The following EDN1 variants were observed in gnomAD, a reference collection of about 807,000 sequenced individuals.
EDN1 encodes endothelin 1.
In EDN1, 11 loss-of-function variants were observed where a neutral mutation model predicts 21.7. That is an observed-to-expected ratio of 0.51 (90% confidence interval 0.32 to 0.84). EDN1 has a LOEUF of 0.84. Ranked by LOEUF, EDN1 falls within the 40% of genes least tolerant of loss-of-function variation. The pLI is 0.03. For missense variants in EDN1, 244 were observed against 262.3 expected (o/e 0.93, Z 0.48); for synonymous variants, 85 against 90.6 (o/e 0.94, Z 0.35).
the EDN1 span, among the ~76,000 whole-genome samples, chr6:12,239,421 T>A: frequency 6.6e-6 from 1 of 152,182 alleles, no homozygotes; most frequent in South Asian, 2.1e-4. Context: ...TTCCAGCAGA[T>A]ACGGCCAAGT....
At chr6:12,249,194 T>C in the EDN1 span, among the ~76,000 whole-genome samples, 2 of 152,300 alleles carry the variant, frequency 1.3e-5, no homozygotes, top group Admixed American at 1.3e-4. Context: ...CCATGAACTG[T>C]ACTTGGAGTA....
At chr6:12,242,074 TCAA>T in the EDN1 span, among the ~76,000 whole-genome samples, 8 of 152,196 alleles carry the variant, frequency 5.3e-5, no homozygotes, top group Admixed American at 5.2e-4. Context: ...AAGAATTTCC[TCAA>T]CAGCATATTC....
chr6:12,238,226 T>C, the EDN1 span, among the ~76,000 whole-genome samples: 1 of 150,600 alleles, frequency 6.6e-6, no homozygotes, highest in Non-Finnish European at 1.5e-5. Flanking sequence ...CCAATTTAAG[T>C]CCGTGCTTCT....
chr6:12,269,576 T>C, the EDN1 span, among the ~76,000 whole-genome samples: 3 of 152,134 alleles, frequency 2.0e-5, no homozygotes, highest in Non-Finnish European at 4.4e-5. Context: ...ATTGAAATGA[T>C]TATATGGTTT....
the EDN1 span, among the ~76,000 whole-genome samples, chr6:12,284,462 T>C: frequency 6.7e-6 from 1 of 150,028 alleles, no homozygotes; most frequent in Non-Finnish European, 1.5e-5. Flanking sequence ...CAGTGAGCCG[T>C]GATTGCACTC....
the EDN1 span, among the ~76,000 whole-genome samples, chr6:12,285,060 T>C: frequency 6.6e-6 from 1 of 152,142 alleles, no homozygotes. Flanking sequence ...TTCTGAGATG[T>C]GTGAAATATG....
At chr6:12,234,616 A>G in the EDN1 span, among the ~76,000 whole-genome samples, 1 of 152,144 alleles carries the variant, frequency 6.6e-6, no homozygotes, top group Admixed American at 6.5e-5. Context: ...TGCTCTGCTG[A>G]CCTCTAAGGC....
At chr6:12,294,532 AGAG>A in intron 4 of EDN1, 128 bp downstream of exon 4, 1 of 1,070,790 alleles carries the variant, frequency 9.3e-7, no homozygotes. Context: ...AAACAGTAGC[AGAG>A]GAGATCTATG....
At chr6:12,243,159 A>G in the EDN1 span, among the ~76,000 whole-genome samples, 1 of 152,208 alleles carries the variant, frequency 6.6e-6, no homozygotes, top group Non-Finnish European at 1.5e-5. Flanking sequence ...TATTCTTATG[A>G]TAAAGTAAGT....
chr6:12,259,840 A>G, the EDN1 span, among the ~76,000 whole-genome samples: 1 of 152,080 alleles, frequency 6.6e-6, no homozygotes, highest in Non-Finnish European at 1.5e-5. Context: ...ATCTACCATT[A>G]GTTGAGTTAA....
chr6:12,256,579 TGTCTTCCCAAGA>T, the EDN1 span, among the ~76,000 whole-genome samples: 1 of 152,182 alleles, frequency 6.6e-6, no homozygotes, highest in Admixed American at 6.5e-5. Flanking sequence ...GGTAAGCATG[TGTCTTCCCAAGA>T]GGCCAAAAGC....
At chr6:12,278,604 A>G in the EDN1 span, among the ~76,000 whole-genome samples, 1 of 152,206 alleles carries the variant, frequency 6.6e-6, no homozygotes, top group Non-Finnish European at 1.5e-5. Flanking sequence ...TGCAAAAGCC[A>G]GCTTGGGCCA....
At chr6:12,272,833 T>C in the EDN1 span, among the ~76,000 whole-genome samples, 4 of 152,282 alleles carry the variant, frequency 2.6e-5, no homozygotes, top group South Asian at 6.2e-4. Flanking sequence ...GTGGAGAAGA[T>C]ACTCCAAAAA....
rs1762819054 is a variant in EDN1 at position 12,296,139 on chromosome 6, C to T, written c.*72C>T. 1 of 1,369,106 alleles carries T rather than the reference C, an allele frequency of 7.3e-7. No individual in the cohort carries two copies. Among genetic ancestry groups the T allele is most frequent in the African/African-American group, 1.4e-5 (1 of 70,138 alleles). 84.8% of individuals were successfully genotyped at this position (1,369,106 alleles called of 1,614,324 possible). A position where few individuals can be genotyped will look rare whatever the true frequency, so the allele number is the denominator to read the frequency against. On this transcript the variant is annotated 3_prime_UTR_variant, in exon 5 of 5. Transcript: ENST00000379375. Reference sequence around the variant, plus strand: ...TGTGGCCGACTCTGCACTCTCCACCCTGGCTGGGATCAGAGCAGGAGCATC... The same window carrying T: ...TGTGGCCGACTCTGCACTCTCCACCTTGGCTGGGATCAGAGCAGGAGCATC...
the EDN1 span, among the ~76,000 whole-genome samples, chr6:12,249,849 G>A: frequency 6.6e-6 from 1 of 152,018 alleles, no homozygotes; most frequent in African/African-American, 2.4e-5. Context: ...CCCCCTCAGG[G>A]TTGGTTGGAA....
the EDN1 span, among the ~76,000 whole-genome samples, chr6:12,273,536 A>AT: frequency 1.4e-4 from 21 of 147,752 alleles, no homozygotes; most frequent in East Asian, 2.0e-4. Flanking sequence ...AAATTCAGCA[A>AT]TTTTTTTTTC....
chr6:12,292,540 T>C (rs1263250728), intron 2 of EDN1, 31 bp downstream of exon 2: 1 of 1,613,456 alleles, frequency 6.2e-7, no homozygotes, highest in Non-Finnish European at 8.5e-7. Flanking sequence ...GTAACCCTAG[T>C]CATTCATTAG....
At chr6:12,292,543 T>C in intron 2 of EDN1, 34 bp downstream of exon 2, 3 of 1,613,464 alleles carry the variant, frequency 1.9e-6, no homozygotes, top group Non-Finnish European at 1.7e-6. Context: ...ACCCTAGTCA[T>C]TCATTAGCGC....
At chr6:12,281,809 G>A in the EDN1 span, among the ~76,000 whole-genome samples, 2 of 152,160 alleles carry the variant, frequency 1.3e-5, no homozygotes, top group African/African-American at 4.8e-5. Context: ...TTCAGATTCT[G>A]TGTTCCCTAG....
Sources: gnomAD v4.1 joint callset for allele counts (sites outside exome capture counted in the v4.1 genomes callset) on GRCh38, gnomAD v4.1.1 for gene constraint, MANE v1.5 for transcripts, NCBI Gene and HGNC (gene_info 2026-07-23, HGNC 2026-07-21) for gene names.